LRRTM3: variants seen among roughly 807,000 people sequenced by gnomAD.
LRRTM3 encodes leucine-rich repeat transmembrane neuronal protein 3.
A neutral mutation model predicts 44.7 loss-of-function variants in LRRTM3; 24 were observed. The observed-to-expected ratio is 0.54, with a 90% confidence interval of 0.39 to 0.76. LRRTM3 has a LOEUF of 0.76. LRRTM3 is among the 30% of genes least tolerant of loss of function. The probability of loss-of-function intolerance (pLI) is 0.00; values close to 1 mark genes in which losing one functional copy is unlikely to be tolerated. For missense variants in LRRTM3, 587 were observed against 702.2 expected (o/e 0.84, Z 1.85); for synonymous variants, 277 against 278.7 (o/e 0.99, Z 0.06).
chr10:66,958,387 G>T (rs1227654729), intron 2 of LRRTM3, among the ~76,000 whole-genome samples: 2 of 147,576 alleles, frequency 1.4e-5, no homozygotes, highest in African/African-American at 5.0e-5. Context: ...TTAATAGAAA[G>T]CAGATTTAAA....
At chr10:66,980,741 A>G (rs1850379596) in intron 2 of LRRTM3, among the ~76,000 whole-genome samples, 1 of 152,174 alleles carries the variant, frequency 6.6e-6, no homozygotes, top group African/African-American at 2.4e-5. Context: ...GGAATCGTCA[A>G]TCTCACAAGG....
chr10:67,056,310 G>A (rs1391014705), intron 2 of LRRTM3, among the ~76,000 whole-genome samples: 1 of 152,126 alleles, frequency 6.6e-6, no homozygotes, highest in Non-Finnish European at 1.5e-5. Flanking sequence ...GTTTGGGTGA[G>A]GCAATATTTC....
At chr10:66,973,690 C>T (rs898980591) in intron 2 of LRRTM3, among the ~76,000 whole-genome samples, 3 of 152,122 alleles carry the variant, frequency 2.0e-5, no homozygotes, top group African/African-American at 7.2e-5. Flanking sequence ...GTGGTGCGAT[C>T]TCGGCTCACT....
intron 2 of LRRTM3, among the ~76,000 whole-genome samples, chr10:67,026,849 C>A (rs1853422014): frequency 6.6e-6 from 1 of 152,118 alleles, no homozygotes; most frequent in South Asian, 2.1e-4. Flanking sequence ...AACCTAAAAT[C>A]TACAAAGCTT....
Position 67,099,807 on chromosome 10 carries a change from A to T in LRRTM3, c.*2011A>T, listed in dbSNP as rs898158189. 3 of 151,898 alleles carry T rather than the reference A, an allele frequency of 2.0e-5. No homozygotes were observed. Among genetic ancestry groups the T allele is most frequent in the East Asian group, 1.9e-4 (1 of 5,166 alleles). The allele number at this position is 151,898 out of a possible 1,614,324, so 9.4% of individuals were successfully genotyped here. A position where few individuals can be genotyped will look rare whatever the true frequency, so the allele number is the denominator to read the frequency against. On this transcript the variant is annotated 3_prime_UTR_variant, in exon 3 of 3. Transcript: ENST00000361320. Reference sequence around the variant, plus strand: ...TTTTGTCATTTTAAATCTAATTTTAATCTTTATGTTTTCCATTTTCTAATT... The same window carrying T: ...TTTTGTCATTTTAAATCTAATTTTATTCTTTATGTTTTCCATTTTCTAATT...
chr10:67,077,434 C>T (rs1428953148), intron 2 of LRRTM3, among the ~76,000 whole-genome samples: 1 of 152,096 alleles, frequency 6.6e-6, no homozygotes, highest in Non-Finnish European at 1.5e-5. Flanking sequence ...GTCCCTTTGC[C>T]CCACTCCCCC....
At chr10:66,978,552 A>AAAATATATATATATATAT in intron 2 of LRRTM3, among the ~76,000 whole-genome samples, 30 of 37,886 alleles carry the variant, frequency 7.9e-4, no homozygotes, top group African/African-American at 1.2e-3. Flanking sequence ...AAAAAAAAAA[A>AAAATATATATATATATAT]ATATATATAT....
At chr10:66,977,204 C>T (rs1232828387) in intron 2 of LRRTM3, among the ~76,000 whole-genome samples, 3 of 151,950 alleles carry the variant, frequency 2.0e-5, no homozygotes, top group South Asian at 2.1e-4. Flanking sequence ...TTTGGGAGGC[C>T]GAGGCAGGTG....
chr10:66,940,889 T>A (rs1357897726), intron 2 of LRRTM3, among the ~76,000 whole-genome samples: 1 of 152,206 alleles, frequency 6.6e-6, no homozygotes, highest in Non-Finnish European at 1.5e-5. Context: ...TCTAAATGTT[T>A]CTGTATGCTC....
intron 2 of LRRTM3, among the ~76,000 whole-genome samples, chr10:67,047,345 G>A (rs149670743): frequency 6.6e-6 from 1 of 152,252 alleles, no homozygotes; most frequent in Non-Finnish European, 1.5e-5. Flanking sequence ...GCCCCTAGGA[G>A]GAGACTGTGT....
intron 2 of LRRTM3, among the ~76,000 whole-genome samples, chr10:67,026,695 C>T (rs542139959): frequency 5.9e-5 from 9 of 152,134 alleles, no homozygotes; most frequent in African/African-American, 2.2e-4. Flanking sequence ...TCAGTTTGAG[C>T]AACCAGTGAC....
At chr10:67,015,070 A>G (rs903278853) in intron 2 of LRRTM3, among the ~76,000 whole-genome samples, 1 of 152,132 alleles carries the variant, frequency 6.6e-6, no homozygotes, top group Non-Finnish European at 1.5e-5. Flanking sequence ...GAAAAACTTT[A>G]GGAGGTTAGA....
intron 2 of LRRTM3, among the ~76,000 whole-genome samples, chr10:67,004,087 T>C (rs1851833626): frequency 6.6e-6 from 1 of 151,550 alleles, no homozygotes; most frequent in Non-Finnish European, 1.5e-5. Flanking sequence ...TGCATTTTGA[T>C]GTTAAAAAAA....
At chr10:67,079,908 CAA>C (rs1308774697) in intron 2 of LRRTM3, among the ~76,000 whole-genome samples, 2 of 139,188 alleles carry the variant, frequency 1.4e-5, no homozygotes, top group African/African-American at 5.4e-5. Context: ...CACACACACA[CAA>C]AGATAGTCAC....
chr10:66,930,818 C>T (rs1039779804), intron 2 of LRRTM3, among the ~76,000 whole-genome samples: 2 of 151,926 alleles, frequency 1.3e-5, no homozygotes, highest in Middle Eastern at 3.2e-3. Flanking sequence ...TAGATAAGAA[C>T]GAAAATAAAA....
At chr10:67,081,880 T>G (rs1220649884) in intron 2 of LRRTM3, among the ~76,000 whole-genome samples, 2 of 152,204 alleles carry the variant, frequency 1.3e-5, no homozygotes, top group Admixed American at 6.5e-5. Flanking sequence ...ATAGCCCTGT[T>G]TATTCACTAG....
intron 2 of LRRTM3, among the ~76,000 whole-genome samples, chr10:67,080,443 TC>T (rs1224458831): frequency 2.0e-5 from 3 of 152,188 alleles, no homozygotes; most frequent in African/African-American, 7.2e-5. Context: ...TGCATATAAT[TC>T]CCACTTAGAA....
Position 67,100,424 on chromosome 10 carries a change from G to A in LRRTM3, c.*2628G>A, listed in dbSNP as rs1427055701. On this transcript the variant is annotated 3_prime_UTR_variant, in exon 3 of 3. Coordinates refer to ENST00000361320, the MANE Select transcript of LRRTM3 (RefSeq NM_178011.5). ...TTAATTTTTATTTTGCCATGTCCAG[G>A]TTAAGGGTGAGGGTGGTGACAATCT... Among the ~76,000 whole-genome samples, 1 of 151,674 alleles carries A rather than the reference G, an allele frequency of 6.6e-6. No homozygotes were observed. The highest frequency in any genetic ancestry group is 6.6e-5 in the Admixed American group (1 of 15,162).
chr10:66,929,488 G>A (rs1452578146), intron 2 of LRRTM3, among the ~76,000 whole-genome samples: 29 of 152,122 alleles, frequency 1.9e-4, no homozygotes, highest in Admixed American at 1.9e-3. Flanking sequence ...GCACACACCA[G>A]TCCCCTAATG....
Sources: allele counts gnomAD v4.1 joint callset (sites outside exome capture counted in the v4.1 genomes callset), GRCh38; gene constraint gnomAD v4.1.1; transcripts MANE v1.5; gene names NCBI Gene and HGNC (gene_info 2026-07-23, HGNC 2026-07-21).